The following BPTF variants were observed in gnomAD, a reference collection of about 807,000 sequenced individuals.
BPTF encodes the protein bromodomain PHD finger transcription factor.
A neutral mutation model predicts 292.5 loss-of-function variants in BPTF; 18 were observed. That is an observed-to-expected ratio of 0.06 (90% CI 0.04 to 0.09). BPTF has a LOEUF of 0.09. Among genes scored for constraint, BPTF ranks in the 10% least tolerant of loss-of-function variants. The pLI is 1.00. For synonymous variants in BPTF, 1,225 were observed against 1,251.9 expected (o/e 0.98, Z 0.45); for missense variants, 2,726 against 3,498.7 (o/e 0.78, Z 5.57).
rs1555682684 is a variant in BPTF, at chr17:67,959,615, T to C, written c.8001T>C (p.Ala2667=). Residue 2667 remains alanine (A), a synonymous_variant, in exon 24 of 28, where the codon GCT becomes GCC. Transcript: ENST00000306378. ...LMQLAQATAV[A]APCPPVTPAP... ...AGTTGGCTCAGGCCACAGCAGTAGC[T>C]GCACCCTGCCCCCCAGTGACACCAG... 5.0e-6 allele frequency: 8 copies of C among 1,586,050 alleles called. No individual in the cohort carries two copies. The highest frequency in any genetic ancestry group is 2.2e-5 in the East Asian group (1 of 44,712).
intron 23 of BPTF, chr17:67,955,955 C>T (rs2066888376): frequency 6.6e-6 from 1 of 151,998 alleles, no homozygotes; most frequent in Admixed American, 6.6e-5. Context: ...TGAGACCAGC[C>T]TGGGCAACAT....
chr17:67,952,511 C>T (rs185602518), intron 23 of BPTF, among the ~76,000 whole-genome samples: 3 of 152,260 alleles, frequency 2.0e-5, no homozygotes, highest in Non-Finnish European at 4.4e-5. Flanking sequence ...GATCCTCCCT[C>T]CTCGGCCTCC....
rs1555697125 is a variant in BPTF, at chr17:67,982,378, C to A, written c.*90C>A. On this transcript the variant is annotated 3_prime_UTR_variant, in exon 28 of 28. Coordinates refer to ENST00000306378, the MANE Select transcript of BPTF (RefSeq NM_182641.4). ...AAGGAGCCAGATGTTTTTAGTCAGG[C>A]TATCCTGACAAGACTTGACCTAAAC... 7 of 1,254,112 alleles carry A rather than the reference C, an allele frequency of 5.6e-6. No individual in the cohort carries two copies. Among genetic ancestry groups the A allele is most frequent in the East Asian group, 4.7e-5 (2 of 42,750 alleles). The allele number at this position is 1,254,112 out of a possible 1,614,324, so 77.7% of individuals were successfully genotyped here.
chr17:67,949,555 A>G (rs2148022094), intron 23 of BPTF, among the ~76,000 whole-genome samples: 1 of 152,020 alleles, frequency 6.6e-6, no homozygotes, highest in African/African-American at 2.4e-5. Context: ...AGCCTGGACA[A>G]CAGAGTGAGA....
rs375542979 is a variant in BPTF at position 67,912,012 on chromosome 17, T to C, written c.4128T>C (p.Ser1376=). 1.9e-6 allele frequency: 3 copies of C among 1,613,286 alleles called. No individual in the cohort carries two copies. The African/African-American group carries it at 4.0e-5, about 22-fold the overall frequency. The part of the protein sequence containing the change: ...KLEERPVNKC[S]DQIKLKNTTD... ...AGGAGAGACCAGTTAATAAATGTAG[T>C]GATCAAATAAAGCTAAAAAATACCA... The change falls in exon 11 of 28, where the codon AGT becomes AGC. Residue 1376 remains serine, a synonymous_variant. Transcript: ENST00000306378.
At chr17:67,836,412 T>C (rs572336949) in intron 1 of BPTF, among the ~76,000 whole-genome samples, 347 of 152,326 alleles carry the variant, frequency 2.3e-3, no homozygotes, top group Non-Finnish European at 3.5e-3. Flanking sequence ...CTGTGTATAG[T>C]ATATAGTATA....
intron 4 of BPTF, among the ~76,000 whole-genome samples, chr17:67,887,518 T>A (rs1724961367): frequency 6.6e-6 from 1 of 152,212 alleles, no homozygotes; most frequent in South Asian, 2.1e-4. Flanking sequence ...AATATATATA[T>A]GTTTTATAGT....
chr17:67,878,738 G>A (rs79143204), intron 4 of BPTF, among the ~76,000 whole-genome samples: 2,882 of 152,058 alleles, frequency 0.019, 46 homozygotes, highest in Middle Eastern at 0.031. Context: ...GGAGGTACCT[G>A]TCTGCTTCTT....
At chr17:67,924,686 C>A in intron 15 of BPTF, 97 bp downstream of exon 15, 1 of 1,350,726 alleles carries the variant, frequency 7.4e-7, no homozygotes. Flanking sequence ...GGAGTTGGTG[C>A]TGGTCCCACT....
At chr17:67,829,843 C>G (rs1045365109) in intron 1 of BPTF, among the ~76,000 whole-genome samples, 1 of 152,056 alleles carries the variant, frequency 6.6e-6, no homozygotes, top group Admixed American at 6.6e-5. Flanking sequence ...ATAGCTCACT[C>G]CTAATACAAG....
intron 18 of BPTF, among the ~76,000 whole-genome samples, chr17:67,935,997 A>G (rs1422974613): frequency 6.6e-6 from 1 of 151,878 alleles, no homozygotes; most frequent in Non-Finnish European, 1.5e-5. Flanking sequence ...ATGACATATC[A>G]ACAGAAGAAA....
Position 67,910,892 on chromosome 17 carries a change from T to C in BPTF, c.3008T>C (p.Leu1003Ser). ...EKKDQDVKEL[L>S]DSDSDKPCKE... ...TGTTTCACAGATGTGAAGGAGCTCT[T>C]AGATTCTGACAGTGATAAACCCTGC... Residue 1003 changes from leucine (L) to serine (S), a missense_variant, in exon 11 of 28, where the codon TTA (leucine) becomes TCA (serine). Around this residue, in one of 22 missense-constraint regions of BPTF, gnomAD observed 713 missense variants for 714.9 expected, o/e 1.00. Transcript: ENST00000306378. 1 of 1,589,370 alleles carries C rather than the reference T, an allele frequency of 6.3e-7. No homozygotes were observed. Among genetic ancestry groups the C allele is most frequent in the East Asian group, 2.2e-5 (1 of 44,716 alleles).
rs1046955929 is a variant in BPTF, at chr17:67,945,821, C to G, written c.7113C>G (p.Thr2371=). ...PGQQSQVQTT[T]SQPIPIQPHT... ...AACAATCCCAGGTTCAGACTACAAC[C>G]TCACAACCGATTCCAATTCAACCAC... Residue 2371 remains threonine (T), a synonymous_variant, in exon 21 of 28, where the codon ACC becomes ACG. Transcript: ENST00000306378. 6.2e-7 allele frequency: 1 copy of G among 1,614,198 alleles called. No individual in the cohort carries two copies. Among genetic ancestry groups the G allele is most frequent in the Non-Finnish European group, 8.5e-7 (1 of 1,180,030 alleles).
intron 26 of BPTF, among the ~76,000 whole-genome samples, chr17:67,972,820 G>T (rs1172904395): frequency 6.6e-6 from 1 of 151,622 alleles, no homozygotes; most frequent in Non-Finnish European, 1.5e-5. Context: ...TAAGTAACCA[G>T]AACATAATAT....
intron 4 of BPTF, among the ~76,000 whole-genome samples, chr17:67,876,711 C>T (rs2060071044): frequency 6.6e-6 from 1 of 152,146 alleles, no homozygotes; most frequent in African/African-American, 2.4e-5. Context: ...GTGGCTGAGG[C>T]AGGAGGATCA....
chr17:67,831,482 C>T (rs769883480), intron 1 of BPTF, among the ~76,000 whole-genome samples: 138 of 152,220 alleles, frequency 9.1e-4, no homozygotes, highest in Non-Finnish European at 1.5e-3. Context: ...GCACACAGTT[C>T]GTGCTTTTCT....
At chr17:67,852,468 A>G (rs201157750) in intron 1 of BPTF, among the ~76,000 whole-genome samples, 1 of 150,548 alleles carries the variant, frequency 6.6e-6, no homozygotes, top group African/African-American at 2.5e-5. Flanking sequence ...CCTCCTTTTT[A>G]TTTTTAGTTT....
At chr17:67,961,771 C>T (rs879953692) in intron 24 of BPTF, among the ~76,000 whole-genome samples, 15 of 151,988 alleles carry the variant, frequency 9.9e-5, no homozygotes, top group Admixed American at 9.2e-4. Flanking sequence ...GTCAGGAGTT[C>T]GAGATCAGCC....
intron 24 of BPTF, among the ~76,000 whole-genome samples, chr17:67,961,695 C>T (rs1388660658): frequency 6.6e-6 from 1 of 152,012 alleles, no homozygotes; most frequent in African/African-American, 2.4e-5. Flanking sequence ...AAAAATTGGC[C>T]AGGCGTGGTG....
Sources: gnomAD v4.1 joint callset for allele counts (sites outside exome capture counted in the v4.1 genomes callset) on GRCh38, gnomAD v4.1.1 for gene constraint, gnomAD v4.1.1 regional missense constraint, MANE v1.5 for transcripts, NCBI Gene and HGNC (gene_info 2026-07-23, HGNC 2026-07-21) for gene names.